The following STX8 variants were observed in gnomAD, a reference collection of about 807,000 sequenced individuals.
STX8 encodes the protein syntaxin 8, also known as syntaxin-8.
STX8 carries 23 observed loss-of-function variants against 37.5 expected under a neutral mutation model. The observed-to-expected ratio is 0.61, with a 90% CI of 0.44 to 0.87. The LOEUF (loss-of-function observed/expected upper bound fraction) is 0.87, where lower values mean the gene tolerates loss of function less well. Among genes scored for constraint, STX8 ranks in the 40% least tolerant of loss-of-function variants. STX8 has a pLI of 0.00. For missense variants in STX8, 313 were observed against 284.7 expected (o/e 1.10, Z -0.71); for synonymous variants, 115 against 99.1 (o/e 1.16, Z -0.95).
chr17:9,295,996 C>G (rs1433203607), intron 7 of STX8, among the ~76,000 whole-genome samples: 1 of 152,078 alleles, frequency 6.6e-6, no homozygotes, highest in Non-Finnish European at 1.5e-5. Context: ...TGAGACCATC[C>G]TGGCTAACAC....
At chr17:9,253,477 T>C (rs936003944) in intron 7 of STX8, among the ~76,000 whole-genome samples, 2 of 152,000 alleles carry the variant, frequency 1.3e-5, no homozygotes. Flanking sequence ...GCTGAAGACT[T>C]GGTCCTGGCT....
chr17:9,338,048 ATTTTTTTTTTT>A (rs972471091), intron 7 of STX8, among the ~76,000 whole-genome samples: 9 of 107,898 alleles, frequency 8.3e-5, no homozygotes, highest in Admixed American at 4.8e-4. Flanking sequence ...CCTCTGAAGG[ATTTTTTTTTTT>A]TTTTTTTTTT....
intron 4 of STX8, among the ~76,000 whole-genome samples, chr17:9,506,264 C>T (rs1385595979): frequency 6.6e-6 from 1 of 151,994 alleles, no homozygotes; most frequent in Non-Finnish European, 1.5e-5. Context: ...TTGTCCAGGA[C>T]ACGACCTTCT....
At chr17:9,306,259 A>T (rs1297798515) in intron 7 of STX8, among the ~76,000 whole-genome samples, 1 of 152,112 alleles carries the variant, frequency 6.6e-6, no homozygotes, top group Non-Finnish European at 1.5e-5. Flanking sequence ...TGTGATGCTC[A>T]CACAACAAAA....
chr17:9,483,542 G>T (rs997651975), intron 6 of STX8, among the ~76,000 whole-genome samples: 1 of 152,098 alleles, frequency 6.6e-6, no homozygotes, highest in Non-Finnish European at 1.5e-5. Context: ...AGCCTACCAC[G>T]CTGTTCTTCT....
chr17:9,296,106 C>T (rs1345829016), intron 7 of STX8, among the ~76,000 whole-genome samples: 3 of 152,196 alleles, frequency 2.0e-5, no homozygotes, highest in Non-Finnish European at 4.4e-5. Flanking sequence ...AGGAGAATGG[C>T]GCGAACCCGG....
chr17:9,380,864 C>T (rs1911786765), intron 6 of STX8, among the ~76,000 whole-genome samples: 1 of 151,638 alleles, frequency 6.6e-6, no homozygotes, highest in South Asian at 2.1e-4. Flanking sequence ...CGGGTGCGCA[C>T]CACCCGTAAT....
At chr17:9,535,298 T>C (rs571518335) in intron 4 of STX8, among the ~76,000 whole-genome samples, 2 of 152,166 alleles carry the variant, frequency 1.3e-5, no homozygotes, top group African/African-American at 4.8e-5. Flanking sequence ...TGGGAAAGAC[T>C]GTTGGAAAAC....
Position 9,400,416 on chromosome 17 carries a change from T to A in STX8, c.542-21763A>T, listed in dbSNP as rs530440766. Among the ~76,000 whole-genome samples the A allele has an allele frequency of 4.8e-3, 731 of 151,264 alleles. 4 individuals are homozygous for A. The highest frequency in any genetic ancestry group is 0.011 in the African/African-American group (445 of 41,176). On this transcript the variant is annotated intron_variant, in intron 6 of 7. Transcript: ENST00000306357. Reference sequence around the variant, plus strand: ...CACCAGGCTTATTTATTTATTTTTTTTTTTTTGAGATGGAGTCTCGCGCTG... The same window carrying A: ...CACCAGGCTTATTTATTTATTTTTTATTTTTTGAGATGGAGTCTCGCGCTG...
At chr17:9,500,986 C>A (rs1904589479) in intron 5 of STX8, among the ~76,000 whole-genome samples, 1 of 151,972 alleles carries the variant, frequency 6.6e-6, no homozygotes, top group African/African-American at 2.4e-5. Flanking sequence ...GCCTGGGTCA[C>A]AGAGTGAGAC....
intron 7 of STX8, among the ~76,000 whole-genome samples, chr17:9,251,684 A>G (rs1256270453): frequency 1.3e-5 from 2 of 152,232 alleles, no homozygotes; most frequent in Non-Finnish European, 2.9e-5. Flanking sequence ...GAGCAAAGAA[A>G]ATGCTAAATT....
chr17:9,308,535 C>T (rs1909080858), intron 7 of STX8, among the ~76,000 whole-genome samples: 1 of 151,898 alleles, frequency 6.6e-6, no homozygotes, highest in Admixed American at 6.6e-5. Flanking sequence ...CCAGCCTGGC[C>T]AAGATGGTGA....
intron 6 of STX8, among the ~76,000 whole-genome samples, chr17:9,470,953 T>TCAATCTCC (rs1452987893): frequency 6.7e-5 from 10 of 149,598 alleles, no homozygotes; most frequent in Non-Finnish European, 1.3e-4. Context: ...CAGGATGGTC[T>TCAATCTCC]CAATCTCCTG....
At chr17:9,471,698 G>C (rs2142438974) in intron 6 of STX8, among the ~76,000 whole-genome samples, 1 of 152,244 alleles carries the variant, frequency 6.6e-6, no homozygotes, top group Middle Eastern at 3.4e-3. Flanking sequence ...AGTCTCTAAT[G>C]AGCCTTCCTG....
chr17:9,268,437 C>G (rs1452927670), intron 7 of STX8, among the ~76,000 whole-genome samples: 1 of 152,196 alleles, frequency 6.6e-6, no homozygotes, highest in Non-Finnish European at 1.5e-5. Flanking sequence ...AGAGCTCTGA[C>G]CCCGAGCACA....
chr17:9,448,105 G>A (rs916240163), intron 6 of STX8, among the ~76,000 whole-genome samples: 1 of 150,388 alleles, frequency 6.6e-6, no homozygotes, highest in African/African-American at 2.5e-5. Context: ...AACCCAGGAG[G>A]CAGAGGTTGC....
At chr17:9,370,774 TTCTAA>T (rs1464253973) in intron 7 of STX8, among the ~76,000 whole-genome samples, 4 of 152,214 alleles carry the variant, frequency 2.6e-5, no homozygotes, top group Non-Finnish European at 4.4e-5. Context: ...CTATTTTGAA[TTCTAA>T]TGAGGACCAA....
chr17:9,302,805 T>A (rs748656426), intron 7 of STX8, among the ~76,000 whole-genome samples: 2 of 151,356 alleles, frequency 1.3e-5, no homozygotes, highest in Non-Finnish European at 2.9e-5. Context: ...GGTCTGGGGG[T>A]TCAGGGGATG....
intron 6 of STX8, among the ~76,000 whole-genome samples, chr17:9,423,481 A>G (rs1041189196): frequency 6.6e-6 from 1 of 152,142 alleles, no homozygotes. Context: ...ATGCGCCACC[A>G]TGCCCAGCTA....
Sources: allele counts gnomAD v4.1 joint callset (sites outside exome capture counted in the v4.1 genomes callset), GRCh38; gene constraint gnomAD v4.1.1; transcripts MANE v1.5; gene names NCBI Gene and HGNC (gene_info 2026-07-23, HGNC 2026-07-21).